COL4A3: variants seen among roughly 807,000 people sequenced by gnomAD.
The protein encoded by COL4A3 is collagen type IV alpha 3 chain, also known as collagen alpha-3(IV) chain.
A neutral mutation model predicts 217.4 loss-of-function variants in COL4A3; 135 were observed. The ratio of observed to expected loss-of-function variants is 0.62; its 90% CI spans 0.54 to 0.72. The LOEUF is 0.72. Among genes scored for constraint, COL4A3 ranks in the 30% least tolerant of loss-of-function variants. The pLI, the probability that COL4A3 is intolerant of heterozygous loss-of-function variation, is 0.00. For missense variants in COL4A3, 1,868 were observed against 2,119.9 expected (o/e 0.88, Z 2.33); for synonymous variants, 690 against 736.3 (o/e 0.94, Z 1.02).
intron 1 of COL4A3, among the ~76,000 whole-genome samples, chr2:227,207,207 C>A (rs1465971344): frequency 6.6e-6 from 1 of 152,158 alleles, no homozygotes; most frequent in African/African-American, 2.4e-5. Flanking sequence ...ACTAAGAGAA[C>A]TTATCTGTGC....
intron 34 of COL4A3, among the ~76,000 whole-genome samples, chr2:227,287,159 C>A (rs566693929): frequency 6.6e-6 from 1 of 152,284 alleles, no homozygotes; most frequent in African/African-American, 2.4e-5. Flanking sequence ...AACCGCCAGG[C>A]GTGGTGGCTC....
rs140143720 is a variant in COL4A3, at chr2:227,166,675, T to C, written c.87+1862T>C. 5.9e-3 allele frequency among the ~76,000 whole-genome samples: 892 copies of C among 152,356 alleles called. 14 individuals are homozygous for C. Among genetic ancestry groups the C allele is most frequent in the African/African-American group, 0.019 (796 of 41,588 alleles). On this transcript the variant is annotated intron_variant, in intron 1 of 51. Coordinates refer to ENST00000396578, the MANE Select transcript of COL4A3 (RefSeq NM_000091.5). The stretch of plus-strand genomic sequence containing the variant: ...GTATTGTTTTTCTCATCACTTGAAG[T>C]AAGTCTTTCATTAACAAGTTTTCAG...
At chr2:227,256,286 C>G in intron 16 of COL4A3, 57 bp from the exon 17 acceptor site, 3 of 1,508,120 alleles carry the variant, frequency 2.0e-6, no homozygotes, top group Non-Finnish European at 2.8e-6. Context: ...ACCTGCTCCC[C>G]CAGAAGAAGT....
intron 1 of COL4A3, among the ~76,000 whole-genome samples, chr2:227,165,796 A>G (rs1401007394): frequency 1.3e-5 from 2 of 152,086 alleles, no homozygotes; most frequent in Non-Finnish European, 2.9e-5. Flanking sequence ...TAGGTTCTAT[A>G]TGTTTTTCCT....
intron 1 of COL4A3, among the ~76,000 whole-genome samples, chr2:227,202,473 G>A (rs935041248): frequency 2.0e-5 from 3 of 151,854 alleles, no homozygotes; most frequent in Admixed American, 6.6e-5. Context: ...AGCCGGGCGC[G>A]GTGGCTCTCT....
intron 43 of COL4A3, among the ~76,000 whole-genome samples, chr2:227,299,389 C>T (rs1180756605): frequency 1.3e-5 from 2 of 150,902 alleles, no homozygotes; most frequent in African/African-American, 2.4e-5. Context: ...AGTGAGACTC[C>T]GTCAAAACAA....
At chr2:227,203,854 C>T (rs533421522) in intron 1 of COL4A3, among the ~76,000 whole-genome samples, 2 of 151,360 alleles carry the variant, frequency 1.3e-5, no homozygotes, top group South Asian at 4.2e-4. Context: ...CAATAATATT[C>T]CAAAAATATT....
At position 227,267,188 on chromosome 2, in the gene COL4A3, T is replaced by C. The variant is rs7582825; in HGVS notation, c.1504+100T>C. The stretch of plus-strand genomic sequence containing the variant: ...GATTGGTGGATGTCACAACGTGGTT[T>C]AGATGAACTTGGAGGGAGAGTTTCA... On this transcript the variant is annotated intron_variant, in intron 23 of 51. Coordinates refer to ENST00000396578, the MANE Select transcript of COL4A3 (RefSeq NM_000091.5). The C allele has an allele frequency of 0.053, 45,247 of 853,630 alleles. 2,933 individuals carry two copies. Among genetic ancestry groups the C allele is most frequent in the African/African-American group, 0.27 (16,180 of 60,410 alleles). The allele number at this position is 853,630 out of a possible 1,614,324, so 52.9% of individuals were successfully genotyped here.
chr2:227,310,981 C>T (rs751535096), intron 51 of COL4A3, 33 bp downstream of exon 51: 2 of 1,609,438 alleles, frequency 1.2e-6, no homozygotes, highest in Admixed American at 3.3e-5. Context: ...AATCTGATGA[C>T]TCAATTGCAG....
At chr2:227,301,236 T>C (rs1172205927) in intron 43 of COL4A3, among the ~76,000 whole-genome samples, 1 of 152,226 alleles carries the variant, frequency 6.6e-6, no homozygotes. Flanking sequence ...GCAGCCATTT[T>C]GTCCACAAAA....
chr2:227,283,352 C>T (rs2072103581), intron 32 of COL4A3, among the ~76,000 whole-genome samples: 2 of 152,138 alleles, frequency 1.3e-5, no homozygotes, highest in African/African-American at 4.8e-5. Flanking sequence ...TCTTCTAGGC[C>T]CTAGAGACAC....
At chr2:227,303,229 T>C in intron 44 of COL4A3, 119 bp downstream of exon 44, 1 of 807,938 alleles carries the variant, frequency 1.2e-6, no homozygotes, top group East Asian at 2.5e-5. Context: ...AGGACCTCAA[T>C]ACGAGTGAAG....
rs1374878599 is a variant in COL4A3 at position 227,267,218 on chromosome 2, CAT to C, written c.1504+135_1504+136del. The C allele has an allele frequency of 5.5e-6, 4 of 725,526 alleles. No individual in the cohort carries two copies. The Admixed American group carries it at 6.2e-5, about 11-fold the overall frequency. The allele number at this position is 725,526 out of a possible 1,614,324, so 44.9% of individuals were successfully genotyped here. A position where few individuals can be genotyped will look rare whatever the true frequency, so the allele number is the denominator to read the frequency against. On this transcript the variant is annotated intron_variant, in intron 23 of 51. Transcript: ENST00000396578. ...GAACTTGGAGGGAGAGTTTCAAAAA[CAT>C]ATATTCTATTAACATAAAGTCAGCC...
In COL4A3 at chr2:227,191,128, A is replaced by G. The variant is rs2066224231; in HGVS notation, c.87+26315A>G. On this transcript the variant is annotated intron_variant, in intron 1 of 51. Coordinates refer to ENST00000396578, the MANE Select transcript of COL4A3 (RefSeq NM_000091.5). This position sits in a 1 kb window ranked among gnomAD's most constrained non-coding sequence, Gnocchi z 6.8. ...ATAATACGTATATGGCCATGGAAACAATTTTTGACATTTAAATTTTCTCAA... is the reference window on the plus strand; with the variant it reads ...ATAATACGTATATGGCCATGGAAACGATTTTTGACATTTAAATTTTCTCAA... Among the ~76,000 whole-genome samples, 1 of 152,148 alleles carries G rather than the reference A, an allele frequency of 6.6e-6. No individual in the cohort carries two copies.
intron 1 of COL4A3, among the ~76,000 whole-genome samples, chr2:227,166,618 C>G (rs2065289530): frequency 6.6e-6 from 1 of 152,166 alleles, no homozygotes; most frequent in Non-Finnish European, 1.5e-5. Context: ...TTGGCCAAAT[C>G]TTGGTGACTT....
chr2:227,199,935 A>AAATT (rs1246105735), intron 1 of COL4A3, among the ~76,000 whole-genome samples: 1 of 152,260 alleles, frequency 6.6e-6, no homozygotes, highest in Non-Finnish European at 1.5e-5. Flanking sequence ...GTTAACTCAT[A>AAATT]AATTATATTG....
At position 227,306,642 on chromosome 2, in the gene COL4A3, T is replaced by G. The variant is rs894993498; in HGVS notation, c.4253-1068T>G. Among the ~76,000 whole-genome samples, 3 of 152,116 alleles carry G rather than the reference T, an allele frequency of 2.0e-5. No individual in the cohort carries two copies. The East Asian group carries it at 5.8e-4, about 29-fold the overall frequency. ...CTGGAGGAGACAAGAGTGGGCAGAA[T>G]TCAGAGAAAATTGAAAAAATGCATA... is the stretch of plus-strand genomic sequence containing the variant. On this transcript the variant is annotated intron_variant, in intron 47 of 51. Transcript: ENST00000396578.
chr2:227,217,780 A>T (rs1347187179), intron 1 of COL4A3, among the ~76,000 whole-genome samples: 1 of 152,168 alleles, frequency 6.6e-6, no homozygotes, highest in Non-Finnish European at 1.5e-5. Flanking sequence ...CTCATACAGA[A>T]TTCTTGGTTA....
intron 3 of COL4A3, 107 bp downstream of exon 3, chr2:227,240,339 C>A: frequency 9.4e-7 from 1 of 1,061,632 alleles, no homozygotes; most frequent in Non-Finnish European, 1.4e-6. Context: ...TAGCCAACTG[C>A]TAGGTGCATG....
Sources: allele counts gnomAD v4.1 joint callset (sites outside exome capture counted in the v4.1 genomes callset), GRCh38; gene constraint gnomAD v4.1.1; non-coding constraint Gnocchi (gnomAD v3.1); transcripts MANE v1.5; gene names NCBI Gene and HGNC (gene_info 2026-07-23, HGNC 2026-07-21).